Variants in NR3C1 observed in about 807,000 individuals in gnomAD.
NR3C1 encodes the protein glucocorticoid receptor.
Under a neutral mutation model 74.0 loss-of-function variants are expected in NR3C1, and 14 were observed. The ratio of observed to expected loss-of-function variants is 0.19; its 90% CI spans 0.12 to 0.30. The LOEUF is 0.30. Among genes scored for constraint, NR3C1 ranks in the 10% least tolerant of loss-of-function variants. The pLI, the probability that NR3C1 is intolerant of heterozygous loss-of-function variation, is 1.00. For missense variants in NR3C1, 695 were observed against 909.8 expected (o/e 0.76, Z 3.04); for synonymous variants, 308 against 332.5 (o/e 0.93, Z 0.80).
intron 5 of NR3C1, 143 bp from the exon 6 acceptor site, chr5:143,298,955 C>A: frequency 1.5e-6 from 1 of 660,378 alleles, no homozygotes; most frequent in Non-Finnish European, 2.6e-6. Context: ...ACTAGGTAGA[C>A]ACAGTTTTCT....
At chr5:143,425,720 A>G (rs991353892) in intron 1 of NR3C1, among the ~76,000 whole-genome samples, 3 of 152,222 alleles carry the variant, frequency 2.0e-5, no homozygotes, top group Non-Finnish European at 4.4e-5. Context: ...TAAAAAAAGG[A>G]AAATAAATGT....
At chr5:143,290,196 C>T (rs891658267) in intron 7 of NR3C1, among the ~76,000 whole-genome samples, 3 of 152,190 alleles carry the variant, frequency 2.0e-5, no homozygotes, top group African/African-American at 4.8e-5. Context: ...GTAGCTCCTT[C>T]GGTTTTGTTT....
intron 2 of NR3C1, among the ~76,000 whole-genome samples, chr5:143,342,228 T>C (rs904689290): frequency 3.3e-5 from 5 of 152,256 alleles, no homozygotes; most frequent in Admixed American, 6.5e-5. Flanking sequence ...CATACTATAA[T>C]GACGGAGGCT....
At chr5:143,379,053 C>A (rs1050159979) in intron 2 of NR3C1, among the ~76,000 whole-genome samples, 1 of 152,170 alleles carries the variant, frequency 6.6e-6, no homozygotes, top group African/African-American at 2.4e-5. Context: ...AACTCTGAGC[C>A]TCAACCATTC....
intron 1 of NR3C1, chr5:143,402,587 G>C: frequency 1.0e-6 from 1 of 985,338 alleles, no homozygotes; most frequent in Non-Finnish European, 1.2e-6. Flanking sequence ...GGTTAAAAGA[G>C]AAGTACGTCC....
chr5:143,387,048 G>C (rs1474604232), intron 2 of NR3C1, among the ~76,000 whole-genome samples: 2 of 152,342 alleles, frequency 1.3e-5, no homozygotes, highest in East Asian at 1.9e-4. Context: ...TAAGAAGGGA[G>C]AGGAGAAAAC....
chr5:143,413,681 T>G (rs547603525), intron 1 of NR3C1, among the ~76,000 whole-genome samples: 12 of 152,272 alleles, frequency 7.9e-5, no homozygotes, highest in African/African-American at 2.9e-4. Flanking sequence ...ATAATTTTAG[T>G]AGTTGTTCCT....
intron 1 of NR3C1, among the ~76,000 whole-genome samples, chr5:143,418,083 A>T (rs1327843144): frequency 6.6e-6 from 1 of 152,194 alleles, no homozygotes; most frequent in Non-Finnish European, 1.5e-5. Flanking sequence ...AGTCTCATTG[A>T]TTTGCCAAGA....
chr5:143,417,255 G>A (rs1036378102), intron 1 of NR3C1, among the ~76,000 whole-genome samples: 1 of 152,088 alleles, frequency 6.6e-6, no homozygotes, highest in Non-Finnish European at 1.5e-5. Context: ...GTTCCATTAA[G>A]ATGAAAAATC....
At chr5:143,370,129 T>C (rs75002160) in intron 2 of NR3C1, among the ~76,000 whole-genome samples, 2 of 152,336 alleles carry the variant, frequency 1.3e-5, no homozygotes, top group East Asian at 1.9e-4. Context: ...TTTATAATAA[T>C]AGTCCCTCCA....
chr5:143,294,743 A>T (rs1353845980), intron 7 of NR3C1: 1 of 193,308 alleles, frequency 5.2e-6, no homozygotes, highest in Admixed American at 6.5e-5. Context: ...CACAGTATGT[A>T]GCCCTTTCAG....
At chr5:143,349,060 C>A (rs573429679) in intron 2 of NR3C1, among the ~76,000 whole-genome samples, 1 of 152,184 alleles carries the variant, frequency 6.6e-6, no homozygotes, top group South Asian at 2.1e-4. Context: ...GCCTCTTCTA[C>A]AGATTTCTCT....
chr5:143,325,146 C>A (rs1415379716), intron 2 of NR3C1, among the ~76,000 whole-genome samples: 1 of 152,152 alleles, frequency 6.6e-6, no homozygotes, highest in Non-Finnish European at 1.5e-5. Flanking sequence ...TGTATTAGTC[C>A]ATTTTCATGC....
intron 2 of NR3C1, among the ~76,000 whole-genome samples, chr5:143,338,894 G>A (rs1827684860): frequency 6.6e-6 from 1 of 152,122 alleles, no homozygotes; most frequent in Non-Finnish European, 1.5e-5. Context: ...CCTATTCACA[G>A]TAAGCACCTA....
intron 2 of NR3C1, among the ~76,000 whole-genome samples, chr5:143,360,626 A>G (rs1832051351): frequency 6.6e-6 from 1 of 152,236 alleles, no homozygotes; most frequent in Non-Finnish European, 1.5e-5. Flanking sequence ...CAATTTCAAC[A>G]TGACAATAGA....
At chr5:143,433,190 T>C (rs1335360870) in intron 1 of NR3C1, among the ~76,000 whole-genome samples, 1 of 151,934 alleles carries the variant, frequency 6.6e-6, no homozygotes, top group Admixed American at 6.6e-5. Context: ...ACTCATGAAG[T>C]TAACTCTGAT....
At position 143,295,443 on chromosome 5, in the gene NR3C1, A is replaced by C. The variant is rs1451407071; in HGVS notation, c.2023+17T>G. 6.2e-7 allele frequency: 1 copy of C among 1,611,584 alleles called. No homozygotes were observed. Among genetic ancestry groups the C allele is most frequent in the Non-Finnish European group, 8.5e-7 (1 of 1,178,562 alleles). Reference sequence around the variant, plus strand: ...ATTTCATGCTTTTGACATAAGGTGAAAAGGTGTTCTACCAACCTGAAGAGA... The same window carrying C: ...ATTTCATGCTTTTGACATAAGGTGACAAGGTGTTCTACCAACCTGAAGAGA... On this transcript the variant is annotated intron_variant, in intron 7 of 8. Coordinates refer to ENST00000394464, the MANE Select transcript of NR3C1 (RefSeq NM_000176.3).
chr5:143,312,968 G>A (rs10482672), intron 3 of NR3C1, among the ~76,000 whole-genome samples: 23,527 of 152,116 alleles, frequency 0.15, 1,890 homozygotes, highest in South Asian at 0.25. Flanking sequence ...TCTTTGTGGT[G>A]TAATATGAGT....
intron 2 of NR3C1, among the ~76,000 whole-genome samples, chr5:143,372,591 C>A (rs1024659886): frequency 1.3e-5 from 2 of 152,268 alleles, no homozygotes; most frequent in Admixed American, 6.5e-5. Flanking sequence ...GCAGATAAGG[C>A]GGACTACTGC....
Sources: allele counts gnomAD v4.1 joint callset (sites outside exome capture counted in the v4.1 genomes callset), GRCh38; gene constraint gnomAD v4.1.1; transcripts MANE v1.5; gene names NCBI Gene and HGNC (gene_info 2026-07-23, HGNC 2026-07-21).